The following FAM20A variants were observed in gnomAD, a reference collection of about 807,000 sequenced individuals.
FAM20A encodes FAM20A golgi associated secretory pathway pseudokinase.
A neutral mutation model predicts 52.0 loss-of-function variants in FAM20A; 42 were observed. The observed-to-expected ratio is 0.81, with a 90% CI of 0.63 to 1.04. The LOEUF (loss-of-function observed/expected upper bound fraction) is 1.04. Among genes scored for constraint, FAM20A ranks in the 50% least tolerant of loss-of-function variants. FAM20A has a pLI of 0.00. For synonymous variants in FAM20A, 304 were observed against 298.9 expected, an observed-to-expected ratio of 1.02 and a Z score of -0.18; for missense variants, 742 against 712.7, an observed-to-expected ratio of 1.04 and a Z score of -0.47.
chr17:68,557,439 T>C (rs773970827), intron 1 of FAM20A: 3 of 152,030 alleles, frequency 2.0e-5, no homozygotes, highest in Admixed American at 6.6e-5. Context: ...ATGGGATTAA[T>C]GCCTTCATAA....
chr17:68,567,972 C>T (rs573862943), intron 1 of FAM20A, among the ~76,000 whole-genome samples: 74 of 152,108 alleles, frequency 4.9e-4, no homozygotes, highest in Non-Finnish European at 8.8e-5. Flanking sequence ...CCCCGCCATG[C>T]GGAACTGTGA....
Position 68,576,218 on chromosome 17 carries a change from T to C in FAM20A, c.405-20475A>G, listed in dbSNP as rs1019894040. 2.0e-5 allele frequency among the ~76,000 whole-genome samples: 3 copies of C among 152,156 alleles called. No homozygotes were observed. The East Asian group carries it at 5.8e-4, about 29-fold the overall frequency. On this transcript the variant is annotated intron_variant, in intron 1 of 10. Coordinates refer to ENST00000592554, the MANE Select transcript of FAM20A (RefSeq NM_017565.4). ...ATCCCCCACACCTCACATGTAATAA[T>C]TGTCACCATTTCTGGAGCCATGGCT...
At position 68,555,690 on chromosome 17, in the gene FAM20A, A is replaced by C; in HGVS notation, c.458T>G (p.Leu153Arg). Residue 153 changes from leucine (L) to arginine (R), a missense_variant, in exon 2 of 11, where the codon CTG becomes CGG. Transcript: ENST00000592554. Reference protein sequence around the residue: ...QMNLTSLDPPLQLRLEASWVQ... With the variant: ...QMNLTSLDPPRQLRLEASWVQ... ...CCAGCTGGCCTCGAGTCGGAGCTGCAGTGGGGGGTCCAGGGAGGTAAGGTT... is the reference window on the plus strand; with the variant it reads ...CCAGCTGGCCTCGAGTCGGAGCTGCCGTGGGGGGTCCAGGGAGGTAAGGTT... 1 of 1,613,944 alleles carries C rather than the reference A, an allele frequency of 6.2e-7. No homozygotes were observed. Among genetic ancestry groups the C allele is most frequent in the Non-Finnish European group, 8.5e-7 (1 of 1,180,034 alleles).
At chr17:68,581,350 T>TTTCTTTC (rs2087941952) in intron 1 of FAM20A, among the ~76,000 whole-genome samples, 35 of 92,278 alleles carry the variant, frequency 3.8e-4, no homozygotes, top group African/African-American at 1.0e-3. Context: ...GAAATGCAGT[T>TTTCTTTC]TTTCTTTCTT....
chr17:68,575,171 T>C (rs1181222087), intron 1 of FAM20A: 1 of 151,936 alleles, frequency 6.6e-6, no homozygotes. Context: ...CTTGGACTTC[T>C]GGCCTCCAGA....
chr17:68,564,361 A>G (rs1320503602), intron 1 of FAM20A, among the ~76,000 whole-genome samples: 1 of 152,186 alleles, frequency 6.6e-6, no homozygotes, highest in African/African-American at 2.4e-5. Flanking sequence ...ATTTTTAATC[A>G]TGATTTTTAC....
At chr17:68,573,723 A>G (rs7222228) in intron 1 of FAM20A, among the ~76,000 whole-genome samples, 27,703 of 149,984 alleles carry the variant, frequency 0.18, 2,680 homozygotes, top group East Asian at 0.34. Flanking sequence ...TTGTCGCCCA[A>G]GCTGGAGTGC....
At chr17:68,542,281 A>G in intron 6 of FAM20A, 116 bp from the exon 7 acceptor site, 1 of 1,102,026 alleles carries the variant, frequency 9.1e-7, no homozygotes, top group Non-Finnish European at 1.3e-6. Flanking sequence ...CAGCTCGGGA[A>G]GAGAAAGAAG....
At chr17:68,591,617 C>T (rs922989763) in intron 1 of FAM20A, among the ~76,000 whole-genome samples, 3 of 152,212 alleles carry the variant, frequency 2.0e-5, no homozygotes, top group Non-Finnish European at 4.4e-5. Context: ...CCTGGCGAAA[C>T]CCCACCTTCA....
chr17:68,554,143 TA>T (rs1285630590), intron 3 of FAM20A, among the ~76,000 whole-genome samples: 2 of 151,826 alleles, frequency 1.3e-5, no homozygotes, highest in African/African-American at 2.4e-5. Flanking sequence ...TATATATATA[TA>T]TTTTTAGCTG....
At chr17:68,581,351 T>TTTCTTTCTTTCC (rs2087945258) in intron 1 of FAM20A, among the ~76,000 whole-genome samples, 1 of 24,912 alleles carries the variant, frequency 4.0e-5, no homozygotes, top group African/African-American at 1.5e-4. Flanking sequence ...AAATGCAGTT[T>TTTCTTTCTTTCC]TTCTTTCTTT....
rs1031918370 is a variant in FAM20A at position 68,540,975 on chromosome 17, G to A, written c.1110-17C>T. 9.6e-6 allele frequency: 15 copies of A among 1,567,764 alleles called. No homozygotes were observed. The Admixed American group carries it at 1.5e-4, about 16-fold the overall frequency. On this transcript the variant is annotated splice_polypyrimidine_tract_variant and intron_variant, in intron 7 of 10. Coordinates refer to ENST00000592554, the MANE Select transcript of FAM20A (RefSeq NM_017565.4). Reference sequence around the variant, plus strand: ...ACCTCCCACCTGAGGGGGAGAAGAAGTCCTGGGGCTGGAAAAGCCAAGATG... The same window carrying A: ...ACCTCCCACCTGAGGGGGAGAAGAAATCCTGGGGCTGGAAAAGCCAAGATG...
chr17:68,590,207 A>G (rs1374959226), intron 1 of FAM20A: 1 of 152,232 alleles, frequency 6.6e-6, no homozygotes, highest in Non-Finnish European at 1.5e-5. Flanking sequence ...CATGAAGCAC[A>G]CTTGGAAAAT....
intron 1 of FAM20A, among the ~76,000 whole-genome samples, chr17:68,561,716 T>C (rs752567928): frequency 6.6e-6 from 1 of 152,132 alleles, no homozygotes; most frequent in Non-Finnish European, 1.5e-5. Context: ...AACAGGCTTA[T>C]CAAGTAACCT....
At chr17:68,558,459 C>CT in intron 1 of FAM20A, 1 of 286,890 alleles carries the variant, frequency 3.5e-6, no homozygotes. Context: ...GGCTTAGCAC[C>CT]GTCTCCTTGG....
In FAM20A at chr17:68,555,614, G is replaced by A. The variant is rs755766269; in HGVS notation, c.534C>T (p.Ser178=). ...CTTGCAGAAGTTTGCTGACAACAGG[G>A]CTGGACCGGGAGTAGAGCCCATGGC... is the stretch of plus-strand genomic sequence containing the variant. ...INRHGLYSRS[S]PVVSKLLQDM... Residue 178 remains serine (S), a synonymous_variant, in exon 2 of 11, where the codon AGC becomes AGT. Coordinates refer to ENST00000592554, the MANE Select transcript of FAM20A (RefSeq NM_017565.4). The A allele has an allele frequency of 1.5e-5, 25 of 1,613,560 alleles. No individual in the cohort carries two copies. The highest frequency in any genetic ancestry group is 2.1e-5 in the Non-Finnish European group (25 of 1,180,038).
chr17:68,592,453 G>A (rs969559894), intron 1 of FAM20A, among the ~76,000 whole-genome samples: 12 of 152,168 alleles, frequency 7.9e-5, no homozygotes, highest in African/African-American at 2.9e-4. Context: ...GAGACAATCT[G>A]TCCCTCCGTA....
At chr17:68,568,296 C>T (rs1015626325) in intron 1 of FAM20A, among the ~76,000 whole-genome samples, 3 of 151,600 alleles carry the variant, frequency 2.0e-5, no homozygotes, top group Admixed American at 6.6e-5. Flanking sequence ...GGTGAAACCC[C>T]GTCTCTACTA....
rs187302924 is a variant in FAM20A, at chr17:68,557,086, G to T, written c.405-1343C>A. On this transcript the variant is annotated intron_variant, in intron 1 of 10. Transcript: ENST00000592554. ...ATGATGGTGCACACCTGTAATCCCAGCTACTTGAGAGGCTGAGGCAGGAGA... is the reference window on the plus strand; with the variant it reads ...ATGATGGTGCACACCTGTAATCCCATCTACTTGAGAGGCTGAGGCAGGAGA... Among the ~76,000 whole-genome samples the T allele has an allele frequency of 4.6e-5, 7 of 152,152 alleles. No homozygotes were observed. In the South Asian group the frequency reaches 1.5e-3, roughly 32 times the overall value.
Sources: allele counts gnomAD v4.1 joint callset (sites outside exome capture counted in the v4.1 genomes callset), GRCh38; gene constraint gnomAD v4.1.1; transcripts MANE v1.5; gene names NCBI Gene and HGNC (gene_info 2026-07-23, HGNC 2026-07-21).